UMAD1: variants seen among roughly 807,000 people sequenced by gnomAD.
UMAD1 encodes UBAP1-MVB12-associated (UMA) domain containing 1, also known as UBAP1-MVB12-associated (UMA)-domain containing protein 1.
UMAD1 carries 8 observed loss-of-function variants against 6.1 expected under a neutral mutation model. The observed-to-expected ratio is 1.30, with a 90% CI of 0.76 to 2.35. The LOEUF is 2.35. Among genes scored for constraint, UMAD1 ranks in the 30% most tolerant of loss-of-function variants. The probability of loss-of-function intolerance (pLI) is 0.00; values close to 1 mark genes in which losing one functional copy is unlikely to be tolerated. For missense variants in UMAD1, 130 were observed against 78.4 expected, an observed-to-expected ratio of 1.66 and a Z score of -2.49; for synonymous variants, 56 against 31.4, an observed-to-expected ratio of 1.78 and a Z score of -2.61.
chr7:7,653,823 T>C (rs1366078085), intron 1 of UMAD1, among the ~76,000 whole-genome samples: 1 of 152,164 alleles, frequency 6.6e-6, no homozygotes, highest in Admixed American at 6.5e-5. Context: ...GCATTTTTGG[T>C]TGTCACAGCT....
At chr7:7,778,226 TTGTGTGTGTGTGTGTGTGTGTGTGTGTG>T (rs61647575) in intron 2 of UMAD1, among the ~76,000 whole-genome samples, 22 of 126,460 alleles carry the variant, frequency 1.7e-4, no homozygotes, top group African/African-American at 6.3e-4. Context: ...AAAACTGGTT[TTGTGTGTGTGTGTGTGTGTGTGTGTGTG>T]TGTGTGTGTG....
At chr7:7,783,913 A>C (rs1004391563) in intron 2 of UMAD1, among the ~76,000 whole-genome samples, 2 of 152,246 alleles carry the variant, frequency 1.3e-5, no homozygotes, top group African/African-American at 4.8e-5. Flanking sequence ...AATTCAGTAC[A>C]TTCACCAAAA....
At chr7:7,803,972 A>G (rs1048557134) in intron 3 of UMAD1, among the ~76,000 whole-genome samples, 4 of 152,234 alleles carry the variant, frequency 2.6e-5, no homozygotes, top group Non-Finnish European at 5.9e-5. Flanking sequence ...AAGAATTCCA[A>G]GACTAATTCT....
intron 3 of UMAD1, among the ~76,000 whole-genome samples, chr7:7,804,557 C>T (rs1388328192): frequency 1.3e-5 from 2 of 152,246 alleles, no homozygotes; most frequent in Non-Finnish European, 1.5e-5. Flanking sequence ...CCTGTAATCC[C>T]AGCTACTCAG....
At position 7,731,491 on chromosome 7, in the gene UMAD1, C is replaced by CCCAAA. The variant is rs1554321024; in HGVS notation, c.82+58038_82+58039insCCAAA. Among the ~76,000 whole-genome samples the CCCAAA allele has an allele frequency of 2.5e-4, 33 of 134,576 alleles. 1 individual carries two copies. The highest frequency in any genetic ancestry group is 4.4e-4 in the Admixed American group (6 of 13,652). 88.3% of individuals were successfully genotyped at this position (134,576 alleles called of 152,430 possible). A position where few individuals can be genotyped will look rare whatever the true frequency, so the allele number is the denominator to read the frequency against. ...GAAAAGCAAACAAACAACCCCCCCC[C>CCCAAA]AAAAAAAAAACACTTCTAGAGGTAT... On this transcript the variant is annotated intron_variant, in intron 2 of 3. Transcript: ENST00000682710.
At position 7,731,394 on chromosome 7, in the gene UMAD1, C is replaced by A. The variant is rs113981860; in HGVS notation, c.82+57941C>A. Among the ~76,000 whole-genome samples, 204 of 150,554 alleles carry A rather than the reference C, an allele frequency of 1.4e-3. 1 individual carries two copies. Among genetic ancestry groups the A allele is most frequent in the African/African-American group, 4.8e-3 (197 of 40,936 alleles). ...GAGGACATTTGGAAGCAGTGTTCAG[C>A]GGTTTAAGCAAGAAATGATGATGTC... On this transcript the variant is annotated intron_variant, in intron 2 of 3. Coordinates refer to ENST00000682710, the MANE Select transcript of UMAD1 (RefSeq NM_001302348.2).
intron 3 of UMAD1, among the ~76,000 whole-genome samples, chr7:7,857,336 A>G (rs1784037582): frequency 6.6e-6 from 1 of 152,146 alleles, no homozygotes; most frequent in South Asian, 2.1e-4. Flanking sequence ...TGGTTCAGGA[A>G]TCATGTTAAG....
intron 1 of UMAD1, among the ~76,000 whole-genome samples, chr7:7,670,018 C>G (rs1268782457): frequency 6.6e-6 from 1 of 152,164 alleles, no homozygotes; most frequent in African/African-American, 2.4e-5. Flanking sequence ...TGCTATGTAA[C>G]AGACTGCTGC....
At chr7:7,658,875 G>A (rs1207238757) in intron 1 of UMAD1, among the ~76,000 whole-genome samples, 1 of 152,172 alleles carries the variant, frequency 6.6e-6, no homozygotes, top group African/African-American at 2.4e-5. Flanking sequence ...GTTTCAGAAG[G>A]AATGGTACCA....
At chr7:7,872,166 C>T (rs1057207553) in intron 3 of UMAD1, among the ~76,000 whole-genome samples, 2 of 152,064 alleles carry the variant, frequency 1.3e-5, no homozygotes, top group Non-Finnish European at 2.9e-5. Flanking sequence ...AGGCATACCT[C>T]GAAGATATTT....
At chr7:7,865,166 G>T (rs1174619790) in intron 3 of UMAD1, among the ~76,000 whole-genome samples, 1 of 152,170 alleles carries the variant, frequency 6.6e-6, no homozygotes, top group Non-Finnish European at 1.5e-5. Flanking sequence ...CTGGAGGAGG[G>T]GGTTGTGGGA....
At chr7:7,861,388 AAC>A (rs1336731108) in intron 3 of UMAD1, among the ~76,000 whole-genome samples, 5 of 152,276 alleles carry the variant, frequency 3.3e-5, no homozygotes, top group African/African-American at 1.2e-4. Flanking sequence ...GGGTGGAGAA[AAC>A]ACAGCTGTGT....
At chr7:7,702,871 A>G (rs1192157363) in intron 2 of UMAD1, among the ~76,000 whole-genome samples, 1 of 152,184 alleles carries the variant, frequency 6.6e-6, no homozygotes, top group African/African-American at 2.4e-5. Context: ...GCTGATGAAC[A>G]GTTATTGCTT....
intron 2 of UMAD1, among the ~76,000 whole-genome samples, chr7:7,788,171 G>A (rs139990859): frequency 3.3e-4 from 51 of 152,338 alleles, no homozygotes; most frequent in South Asian, 2.1e-3. Context: ...AAGGTAGTGC[G>A]TGTAATTAAG....
At chr7:7,664,922 G>A (rs1779399861) in intron 1 of UMAD1, among the ~76,000 whole-genome samples, 1 of 152,056 alleles carries the variant, frequency 6.6e-6, no homozygotes, top group African/African-American at 2.4e-5. Context: ...GTTAAACATC[G>A]TTCAGGATTT....
At chr7:7,657,123 A>C (rs1344093290) in intron 1 of UMAD1, among the ~76,000 whole-genome samples, 1 of 152,164 alleles carries the variant, frequency 6.6e-6, no homozygotes, top group Non-Finnish European at 1.5e-5. Context: ...TCTTTTGAGA[A>C]GTGTCAGTTC....
At chr7:7,833,878 C>G (rs532958537) in intron 3 of UMAD1, among the ~76,000 whole-genome samples, 1 of 152,226 alleles carries the variant, frequency 6.6e-6, no homozygotes, top group East Asian at 1.9e-4. Flanking sequence ...CCTATCTAAT[C>G]TTACAAAAGT....
intron 2 of UMAD1, among the ~76,000 whole-genome samples, chr7:7,783,437 C>G (rs569186450): frequency 1.3e-5 from 2 of 150,806 alleles, no homozygotes; most frequent in Non-Finnish European, 2.9e-5. Flanking sequence ...AGATGCTGCA[C>G]GGTTTGTGTC....
chr7:7,741,681 C>G (rs142644608), intron 2 of UMAD1, among the ~76,000 whole-genome samples: 130 of 151,290 alleles, frequency 8.6e-4, no homozygotes, highest in African/African-American at 3.1e-3. Flanking sequence ...TTGAGGTCCT[C>G]CCTGCTTATT....
Sources: gnomAD v4.1 joint callset for allele counts (sites outside exome capture counted in the v4.1 genomes callset) on GRCh38, gnomAD v4.1.1 for gene constraint, MANE v1.5 for transcripts, NCBI Gene and HGNC (gene_info 2026-07-23, HGNC 2026-07-21) for gene names.